Variants in ARHGAP31 observed in about 807,000 individuals in gnomAD.
The protein encoded by ARHGAP31 is Rho GTPase activating protein 31.
A neutral mutation model predicts 113.9 loss-of-function variants in ARHGAP31; 34 were observed. The observed-to-expected ratio is 0.30, with a 90% CI of 0.23 to 0.40. The LOEUF (loss-of-function observed/expected upper bound fraction) is 0.40. Ranked by LOEUF, ARHGAP31 falls within the 10% of genes least tolerant of loss-of-function variation. The probability of loss-of-function intolerance (pLI) is 1.00; values close to 1 mark genes in which losing one functional copy is unlikely to be tolerated. For synonymous variants in ARHGAP31, 650 were observed against 684.8 expected (o/e 0.95, Z 0.79); for missense variants, 1,548 against 1,767.1 (o/e 0.88, Z 2.22).
At chr3:119,406,145 A>C (rs1441490340) in intron 10 of ARHGAP31, among the ~76,000 whole-genome samples, 1 of 152,194 alleles carries the variant, frequency 6.6e-6, no homozygotes, top group Non-Finnish European at 1.5e-5. Context: ...TTTGCATGCC[A>C]TAATGGAGGC....
chr3:119,379,742 G>C (rs2080378623), intron 3 of ARHGAP31, among the ~76,000 whole-genome samples: 1 of 151,658 alleles, frequency 6.6e-6, no homozygotes, highest in South Asian at 2.1e-4. Flanking sequence ...ATCTAGGTGG[G>C]TTACCTAGGT....
chr3:119,373,969 A>C (rs1180574392), intron 3 of ARHGAP31, among the ~76,000 whole-genome samples: 1 of 152,248 alleles, frequency 6.6e-6, no homozygotes, highest in African/African-American at 2.4e-5. Context: ...ATTATATACA[A>C]TATCAACATT....
intron 1 of ARHGAP31, among the ~76,000 whole-genome samples, chr3:119,311,748 C>T (rs1043193613): frequency 6.6e-6 from 1 of 152,226 alleles, no homozygotes; most frequent in Non-Finnish European, 1.5e-5. Context: ...CAGGTATTAT[C>T]TGTCCTGGGG....
At chr3:119,339,554 A>G (rs1017675090) in intron 1 of ARHGAP31, among the ~76,000 whole-genome samples, 3 of 152,164 alleles carry the variant, frequency 2.0e-5, no homozygotes, top group Admixed American at 6.5e-5. Context: ...AGAAGAACAC[A>G]TAGATCAAAG....
rs139600783 is a variant in ARHGAP31, at chr3:119,390,922, C to T, written c.820C>T (p.Pro274Ser). The T allele has an allele frequency of 5.6e-3, 9,066 of 1,614,176 alleles. 33 individuals are homozygous for T. The highest frequency in any genetic ancestry group is 7.0e-3 in the Non-Finnish European group (8,205 of 1,180,018). The change falls in exon 7 of 12, where the codon CCT becomes TCT. Residue 274 changes from proline to serine, a missense_variant. Pro to Ser is a moderately conservative substitution (Grantham distance 74). Coordinates refer to ENST00000264245, the MANE Select transcript of ARHGAP31 (RefSeq NM_020754.4). Reference sequence around the variant, plus strand: ...CAAGGAAAGGAGGGAGAACAGCCTGCCTGAGATTGTCCCTCCCATGGGCAC... The same window carrying T: ...CAAGGAAAGGAGGGAGAACAGCCTGTCTGAGATTGTCCCTCCCATGGGCAC... ...ARKERRENSL[P>S]EIVPPMGTLF...
intron 1 of ARHGAP31, among the ~76,000 whole-genome samples, chr3:119,318,582 C>A (rs2079754516): frequency 2.0e-5 from 3 of 152,150 alleles, no homozygotes; most frequent in African/African-American, 7.2e-5. Flanking sequence ...AATTCTGTTT[C>A]ACAGAGCCTA....
chr3:119,317,531 A>T (rs552488496), intron 1 of ARHGAP31, among the ~76,000 whole-genome samples: 5 of 152,314 alleles, frequency 3.3e-5, no homozygotes, highest in African/African-American at 9.6e-5. Context: ...TGAAGGGCTG[A>T]TATTAATGCC....
chr3:119,329,848 C>A, intron 1 of ARHGAP31: 1 of 985,476 alleles, frequency 1.0e-6, no homozygotes, highest in Non-Finnish European at 1.2e-6. Context: ...CTGTCCCCAC[C>A]AAAGTGTTAT....
Position 119,318,523 on chromosome 3 carries a change from C to T in ARHGAP31, c.100+23519C>T, listed in dbSNP as rs1193716626. On this transcript the variant is annotated intron_variant, in intron 1 of 11. Transcript: ENST00000264245. ...CAGGTCAGCTTGATTTTTCTTAAAC[C>T]TTACCTTAGTTAGCAAATTAAGGAG... is the stretch of plus-strand genomic sequence containing the variant. 5.3e-5 allele frequency among the ~76,000 whole-genome samples: 8 copies of T among 152,156 alleles called. No homozygotes were observed. The East Asian group carries it at 1.5e-3, about 29-fold the overall frequency.
intron 6 of ARHGAP31, among the ~76,000 whole-genome samples, chr3:119,383,842 T>C (rs894627493): frequency 2.6e-5 from 4 of 152,200 alleles, no homozygotes; most frequent in Non-Finnish European, 5.9e-5. Context: ...TTGAACCCAG[T>C]TGGTAAAGAC....
At chr3:119,406,803 C>T (rs1234301504) in intron 10 of ARHGAP31, among the ~76,000 whole-genome samples, 2 of 152,198 alleles carry the variant, frequency 1.3e-5, no homozygotes, top group Non-Finnish European at 2.9e-5. Flanking sequence ...ATAAATGACA[C>T]ACCTTCTCAT....
chr3:119,300,561 G>A (rs920952453), intron 1 of ARHGAP31, among the ~76,000 whole-genome samples: 10 of 152,178 alleles, frequency 6.6e-5, no homozygotes, highest in Admixed American at 2.6e-4. Flanking sequence ...GGGCATGGTG[G>A]CTCACGCCTA....
chr3:119,317,064 C>G (rs937197739), intron 1 of ARHGAP31, among the ~76,000 whole-genome samples: 1 of 152,152 alleles, frequency 6.6e-6, no homozygotes, highest in African/African-American at 2.4e-5. Flanking sequence ...TTGTAAATAG[C>G]CTGCAGAACA....
chr3:119,346,796 C>T (rs889610892), intron 1 of ARHGAP31, among the ~76,000 whole-genome samples: 1 of 152,166 alleles, frequency 6.6e-6, no homozygotes, highest in South Asian at 2.1e-4. Context: ...CACTCTGGTC[C>T]CCTTGTCTCA....
In ARHGAP31 at chr3:119,418,361, A is replaced by G. The variant is rs1486215603; in HGVS notation, c.*2097A>G. ...TGACAGATGAGAAAGGCCATGTTCA[A>G]GAGATCTGAAAAGTACATTCCTGCC... On this transcript the variant is annotated 3_prime_UTR_variant, in exon 12 of 12. Transcript: ENST00000264245. The G allele has an allele frequency of 6.6e-6, 1 of 152,242 alleles. No homozygotes were observed. Among genetic ancestry groups the G allele is most frequent in the Non-Finnish European group, 1.5e-5 (1 of 68,050 alleles). 9.4% of individuals were successfully genotyped at this position (152,242 alleles called of 1,614,324 possible).
Position 119,409,496 on chromosome 3 carries a change from C to G in ARHGAP31, c.1646C>G (p.Ala549Gly). ...EKPLGAETSA[A>G]SVPKKAGLED... ...CTGATAACTCTCATTTTCACTGCAG[C>G]TTCTGTACCTAAGAAGGCAGGTCTT... The change falls in exon 11 of 12, where the codon GCT becomes GGT. Residue 549 changes from alanine (A) to glycine (G), a missense_variant and splice_region_variant. By Grantham distance (60) the Ala-to-Gly change is moderately conservative (BLOSUM62 0). Transcript: ENST00000264245. The G allele has an allele frequency of 6.2e-7, 1 of 1,614,168 alleles. No homozygotes were observed. Among genetic ancestry groups the G allele is most frequent in the Non-Finnish European group, 8.5e-7 (1 of 1,180,030 alleles).
intron 4 of ARHGAP31, among the ~76,000 whole-genome samples, chr3:119,381,835 A>C (rs997937662): frequency 7.2e-5 from 11 of 152,166 alleles, no homozygotes; most frequent in Non-Finnish European, 1.6e-4. Context: ...AAATACAAAA[A>C]ATTAGCCGGG....
At chr3:119,392,490 T>A (rs1013669874) in intron 7 of ARHGAP31, among the ~76,000 whole-genome samples, 3 of 152,226 alleles carry the variant, frequency 2.0e-5, no homozygotes, top group African/African-American at 7.2e-5. Context: ...GCTTGAGATC[T>A]GGATGTTCCA....
At chr3:119,303,750 T>C (rs1488547896) in intron 1 of ARHGAP31, among the ~76,000 whole-genome samples, 2 of 151,880 alleles carry the variant, frequency 1.3e-5, no homozygotes, top group Admixed American at 6.6e-5. Context: ...ATTTGTGTGA[T>C]TATGCATATT....
Sources: allele counts gnomAD v4.1 joint callset (sites outside exome capture counted in the v4.1 genomes callset), GRCh38; gene constraint gnomAD v4.1.1; transcripts MANE v1.5; gene names NCBI Gene and HGNC (gene_info 2026-07-23, HGNC 2026-07-21).